Variants in KPNB1 observed in about 807,000 individuals in gnomAD.
The protein encoded by KPNB1 is karyopherin subunit beta 1, also known as importin subunit beta-1.
In KPNB1, 7 loss-of-function variants were observed where a neutral mutation model predicts 113.0. The ratio of observed to expected loss-of-function variants is 0.06; its 90% confidence interval spans 0.04 to 0.12. The LOEUF (loss-of-function observed/expected upper bound fraction) is 0.12. Ranked by LOEUF, KPNB1 falls within the 10% of genes least tolerant of loss-of-function variation. KPNB1 has a pLI of 1.00. For synonymous variants in KPNB1, 363 were observed against 378.6 expected (o/e 0.96, Z 0.48); for missense variants, 400 against 1,054.8 (o/e 0.38, Z 8.60).
At chr17:47,673,642 G>A (rs911876488) in intron 14 of KPNB1, 81 bp downstream of exon 14, 1 of 1,083,576 alleles carries the variant, frequency 9.2e-7, no homozygotes, top group Admixed American at 1.7e-5. Context: ...TGTACACACA[G>A]AACTCGAAAA....
rs746941632 is a variant in KPNB1, at chr17:47,677,472, CAAAA to C, written c.2103+366_2103+369del. Among the ~76,000 whole-genome samples the C allele has an allele frequency of 1.1e-4, 6 of 53,272 alleles. No individual in the cohort carries two copies. The East Asian group carries it at 2.0e-3, about 17-fold the overall frequency. 34.9% of individuals were successfully genotyped at this position (53,272 alleles called of 152,430 possible). The stretch of plus-strand genomic sequence containing the variant: ...GGGCAAGAAGAGCCAAACTCCGTCT[CAAAA>C]AAAAAAAAAAAAAAAAAAAATCAGT... On this transcript the variant is annotated intron_variant, in intron 17 of 21. Transcript: ENST00000290158.
In KPNB1 at chr17:47,684,645, G is replaced by C. The variant is rs2030889168; in HGVS notation, c.*2241G>C. Reference sequence around the variant, plus strand: ...CTTAGCTAGACAGCAGGAGAATAAAGTACACCGAGAACCATAATGAAAAAA... The same window carrying C: ...CTTAGCTAGACAGCAGGAGAATAAACTACACCGAGAACCATAATGAAAAAA... On this transcript the variant is annotated 3_prime_UTR_variant, in exon 22 of 22. Coordinates refer to ENST00000290158, the MANE Select transcript of KPNB1 (RefSeq NM_002265.6). 1 of 152,542 alleles carries C rather than the reference G, an allele frequency of 6.6e-6. No individual in the cohort carries two copies. Among genetic ancestry groups the C allele is most frequent in the Admixed American group, 6.6e-5 (1 of 15,264 alleles). 9.4% of individuals were successfully genotyped at this position (152,542 alleles called of 1,614,324 possible).
chr17:47,679,952 C>T (rs530423243), intron 19 of KPNB1, 68 bp from the exon 20 acceptor site: 3 of 943,152 alleles, frequency 3.2e-6, no homozygotes, highest in Admixed American at 1.7e-5. Flanking sequence ...CCGCCTGGGC[C>T]TCCTAAAGTG....
chr17:47,661,025 G>T, intron 5 of KPNB1, 94 bp from the exon 6 acceptor site: 1 of 920,222 alleles, frequency 1.1e-6, no homozygotes, highest in Non-Finnish European at 1.8e-6. Flanking sequence ...GCCCTGAGGG[G>T]GAGTGAGAGG....
chr17:47,653,271 A>ATTTTTT (rs3067142), intron 3 of KPNB1, among the ~76,000 whole-genome samples: 5,681 of 109,404 alleles, frequency 0.052, 99 homozygotes, highest in African/African-American at 0.072. Flanking sequence ...AGCTCAGGGA[A>ATTTTTT]TTTTTTTTTT....
intron 6 of KPNB1, 49 bp downstream of exon 6, chr17:47,661,227 AT>A: frequency 3.0e-6 from 4 of 1,347,646 alleles, no homozygotes; most frequent in Non-Finnish European, 4.3e-6. Flanking sequence ...TTCTTAGGAA[AT>A]GTCAAATCTA....
chr17:47,663,033 CTT>C (rs1450316910), intron 6 of KPNB1, 54 bp from the exon 7 acceptor site: 7 of 928,924 alleles, frequency 7.5e-6, no homozygotes, highest in African/African-American at 3.2e-5. Flanking sequence ...GTGAATCTAA[CTT>C]TGTCAGATTG....
intron 3 of KPNB1, among the ~76,000 whole-genome samples, chr17:47,653,524 G>C (rs933408041): frequency 6.6e-6 from 1 of 152,186 alleles, no homozygotes; most frequent in African/African-American, 2.4e-5. Context: ...TTACAGGAGT[G>C]AGCCACCTCG....
Position 47,650,194 on chromosome 17 carries a change from A to G in KPNB1, c.-51A>G. ...CATCCCCAGTTCGAGCCGCCGCCCG[A>G]AAGGCCGGGCCGTCGTCTTAGGAGG... is the stretch of plus-strand genomic sequence containing the variant. On this transcript the variant is annotated 5_prime_UTR_variant, in exon 1 of 22. Transcript: ENST00000290158. 3.2e-6 allele frequency: 4 copies of G among 1,235,034 alleles called. No individual in the cohort carries two copies. Among genetic ancestry groups the G allele is most frequent in the Non-Finnish European group, 4.1e-6 (4 of 970,828 alleles). 76.5% of individuals were successfully genotyped at this position (1,235,034 alleles called of 1,614,324 possible). A position where few individuals can be genotyped will look rare whatever the true frequency, so the allele number is the denominator to read the frequency against.
rs1221306765 is a variant in KPNB1, at chr17:47,649,920, C to T, written c.-325C>T. On this transcript the variant is annotated 5_prime_UTR_variant, in exon 1 of 22. Coordinates refer to ENST00000290158, the MANE Select transcript of KPNB1 (RefSeq NM_002265.6). ...CTCCGCCTTCCTCCCTCCCTCGCTCCCTCCCTGCGCGCCGCCTCTCACTCA... is the reference window on the plus strand; with the variant it reads ...CTCCGCCTTCCTCCCTCCCTCGCTCTCTCCCTGCGCGCCGCCTCTCACTCA... 1.1e-5 allele frequency: 14 copies of T among 1,273,624 alleles called. No individual in the cohort carries two copies. The highest frequency in any genetic ancestry group is 3.5e-5 in the East Asian group (1 of 28,726). The allele number at this position is 1,273,624 out of a possible 1,614,324, so 78.9% of individuals were successfully genotyped here. A position where few individuals can be genotyped will look rare whatever the true frequency, so the allele number is the denominator to read the frequency against.
chr17:47,663,289 G>C, intron 7 of KPNB1, 111 bp downstream of exon 7: 1 of 686,236 alleles, frequency 1.5e-6, no homozygotes, highest in Admixed American at 2.1e-5. Context: ...ATGGAATCAA[G>C]GAAATTCCTC....
chr17:47,676,916 A>AT, intron 16 of KPNB1, 104 bp from the exon 17 acceptor site: 1 of 806,228 alleles, frequency 1.2e-6, no homozygotes, highest in South Asian at 1.7e-5. Flanking sequence ...GAGGGATTTA[A>AT]CTCTAGGTTC....
intron 21 of KPNB1, among the ~76,000 whole-genome samples, 166 bp downstream of exon 21, chr17:47,680,835 A>G (rs1180368593): frequency 2.0e-5 from 3 of 152,198 alleles, no homozygotes; most frequent in Admixed American, 2.0e-4. Flanking sequence ...CCTTGAGCCA[A>G]ATGTTTGACT....
intron 3 of KPNB1, 118 bp downstream of exon 3, chr17:47,652,994 C>T (rs889941620): frequency 3.2e-6 from 2 of 618,880 alleles, no homozygotes; most frequent in Admixed American, 6.8e-5. Context: ...GGGACCTCAA[C>T]TTTACCTAAA....
chr17:47,649,929 G>C lies in KPNB1; in HGVS notation c.-316G>C, dbSNP rs1915474069. The C allele has an allele frequency of 3.9e-6, 5 of 1,266,872 alleles. No individual in the cohort carries two copies. The highest frequency in any genetic ancestry group is 3.4e-5 in the East Asian group (1 of 29,026). The allele number at this position is 1,266,872 out of a possible 1,614,324, so 78.5% of individuals were successfully genotyped here. A position where few individuals can be genotyped will look rare whatever the true frequency, so the allele number is the denominator to read the frequency against. ...CCTCCCTCCCTCGCTCCCTCCCTGC[G>C]CGCCGCCTCTCACTCACAGCCTCCC... On this transcript the variant is annotated 5_prime_UTR_variant, in exon 1 of 22. Coordinates refer to ENST00000290158, the MANE Select transcript of KPNB1 (RefSeq NM_002265.6).
chr17:47,671,628 A>G (rs1457829297), intron 12 of KPNB1: 2 of 151,708 alleles, frequency 1.3e-5, no homozygotes, highest in African/African-American at 4.8e-5. Context: ...AACCTCCTCA[A>G]GCGATTCTCC....
intron 8 of KPNB1, among the ~76,000 whole-genome samples, 163 bp downstream of exon 8, chr17:47,664,432 C>A (rs1671612346): frequency 6.6e-6 from 1 of 152,016 alleles, no homozygotes; most frequent in South Asian, 2.1e-4. Flanking sequence ...ATGAAGGAGG[C>A]ACATCAGTAA....
Position 47,668,332 on chromosome 17 carries a change from C to T in KPNB1, c.1146C>T (p.Tyr382=). 6.2e-7 allele frequency: 1 copy of T among 1,614,124 alleles called. No homozygotes were observed. The highest frequency in any genetic ancestry group is 8.5e-7 in the Non-Finnish European group (1 of 1,180,024). Residue 382 remains tyrosine (Y), a synonymous_variant, in exon 10 of 22, where the codon TAC becomes TAT. Transcript: ENST00000290158. ...ACATCAAGAACCCAGATTGGCGGTACCGGGATGCAGCAGTGATGGCTTTTG... is the reference window on the plus strand; with the variant it reads ...ACATCAAGAACCCAGATTGGCGGTATCGGGATGCAGCAGTGATGGCTTTTG... ...KEHIKNPDWR[Y]RDAAVMAFGC...
rs1426943704 is a variant in KPNB1, at chr17:47,685,343, T to C, written c.*2939T>C. 2 of 152,234 alleles carry C rather than the reference T, an allele frequency of 1.3e-5. No homozygotes were observed. Among genetic ancestry groups the C allele is most frequent in the African/African-American group, 4.8e-5 (2 of 41,458 alleles). The allele number at this position is 152,234 out of a possible 1,614,324, so 9.4% of individuals were successfully genotyped here. On this transcript the variant is annotated 3_prime_UTR_variant, in exon 22 of 22. Coordinates refer to ENST00000290158, the MANE Select transcript of KPNB1 (RefSeq NM_002265.6). ...TCAGCTTTTGATAGCATCTTGGTTTTTGAAACAACTTCAATCTGTAATTGG... is the reference window on the plus strand; with the variant it reads ...TCAGCTTTTGATAGCATCTTGGTTTCTGAAACAACTTCAATCTGTAATTGG...
Sources: allele counts gnomAD v4.1 joint callset (sites outside exome capture counted in the v4.1 genomes callset), GRCh38; gene constraint gnomAD v4.1.1; transcripts MANE v1.5; gene names NCBI Gene and HGNC (gene_info 2026-07-23, HGNC 2026-07-21).